AFF1: variants seen among roughly 807,000 people sequenced by gnomAD.
AFF1 encodes AF4/FMR2 family member 1.
A neutral mutation model predicts 121.7 loss-of-function variants in AFF1; 48 were observed. The ratio of observed to expected loss-of-function variants is 0.39; its 90% confidence interval spans 0.31 to 0.50. The LOEUF is 0.50. Among genes scored for constraint, AFF1 ranks in the 20% least tolerant of loss-of-function variants. The probability of loss-of-function intolerance (pLI) is 0.76; values close to 1 mark genes in which losing one functional copy is unlikely to be tolerated. For synonymous variants in AFF1, 613 were observed against 563.0 expected, an observed-to-expected ratio of 1.09 and a Z score of -1.26; for missense variants, 1,523 against 1,511.7, an observed-to-expected ratio of 1.01 and a Z score of -0.12.
intron 2 of AFF1, among the ~76,000 whole-genome samples, chr4:86,979,857 A>T (rs2149489313): frequency 6.6e-6 from 1 of 152,354 alleles, no homozygotes; most frequent in East Asian, 1.9e-4. Flanking sequence ...TAGCAAAATA[A>T]CATTTGCATT....
At chr4:87,096,956 C>G (rs1297136364) in intron 8 of AFF1, among the ~76,000 whole-genome samples, 1 of 152,106 alleles carries the variant, frequency 6.6e-6, no homozygotes, top group Non-Finnish European at 1.5e-5. Flanking sequence ...ACTGTAGACT[C>G]ACTGACATGG....
intron 12 of AFF1, among the ~76,000 whole-genome samples, 185 bp downstream of exon 12, chr4:87,115,484 A>G (rs764015716): frequency 1.3e-4 from 19 of 151,974 alleles, no homozygotes; most frequent in Non-Finnish European, 2.6e-4. Context: ...CATTCTGCAG[A>G]TGGGCATTAA....
chr4:86,985,091 A>G (rs922691153), intron 2 of AFF1, among the ~76,000 whole-genome samples: 7 of 147,136 alleles, frequency 4.8e-5, no homozygotes, highest in Middle Eastern at 3.5e-3. Flanking sequence ...AAGGGAAACT[A>G]ACATGTTTTA....
chr4:87,083,241 T>G (rs1723350759), intron 4 of AFF1, among the ~76,000 whole-genome samples: 1 of 152,190 alleles, frequency 6.6e-6, no homozygotes, highest in Non-Finnish European at 1.5e-5. Flanking sequence ...GCAATAATCA[T>G]TATTTGTTTA....
intron 5 of AFF1, 60 bp downstream of exon 5, chr4:87,084,224 C>T: frequency 1.3e-6 from 2 of 1,538,360 alleles, no homozygotes; most frequent in Non-Finnish European, 1.8e-6. Flanking sequence ...GGCGTACATC[C>T]ATTTACTTTC....
rs929359226 is a variant in AFF1, at chr4:87,042,450, G to C, written c.39-3716G>C. Among the ~76,000 whole-genome samples the C allele has an allele frequency of 3.9e-5, 6 of 152,212 alleles. No individual in the cohort carries two copies. The South Asian group carries it at 1.2e-3, about 32-fold the overall frequency. The stretch of plus-strand genomic sequence containing the variant: ...CGGTCTTCCTCTGCCCTGCCCAGGA[G>C]CTTTTGTGAGTTCCACCCAAGAGGG... On this transcript the variant is annotated intron_variant, in intron 2 of 20. Coordinates refer to ENST00000395146, the MANE Select transcript of AFF1 (RefSeq NM_001166693.3).
chr4:86,993,779 A>G (rs1724906472), intron 2 of AFF1, among the ~76,000 whole-genome samples: 1 of 152,102 alleles, frequency 6.6e-6, no homozygotes, highest in South Asian at 2.1e-4. Context: ...CCTGGCCAAC[A>G]TAGTGAAACC....
chr4:87,130,972 T>C, intron 16 of AFF1, 111 bp from the exon 17 acceptor site: 1 of 1,387,840 alleles, frequency 7.2e-7, no homozygotes, highest in Non-Finnish European at 9.9e-7. Flanking sequence ...CACTTCTCCC[T>C]GGCCATAATT....
At position 87,139,575 on chromosome 4, in the gene AFF1, A is replaced by G. The variant is rs575376086; in HGVS notation, c.*3874A>G. 3.5e-5 allele frequency: 8 copies of G among 230,562 alleles called. No individual in the cohort carries two copies. The South Asian group carries it at 1.5e-3, about 42-fold the overall frequency. 14.3% of individuals were successfully genotyped at this position (230,562 alleles called of 1,614,324 possible). A position where few individuals can be genotyped will look rare whatever the true frequency, so the allele number is the denominator to read the frequency against. On this transcript the variant is annotated 3_prime_UTR_variant, in exon 21 of 21. Coordinates refer to ENST00000395146, the MANE Select transcript of AFF1 (RefSeq NM_001166693.3). ...TCTCACTGAAAAGTGAGAGTTACGC[A>G]TTGCAGCCATGAAGGGATGCTAGGA... is the stretch of plus-strand genomic sequence containing the variant.
At chr4:87,012,607 AATTC>A (rs991626292) in intron 2 of AFF1, among the ~76,000 whole-genome samples, 2 of 152,234 alleles carry the variant, frequency 1.3e-5, no homozygotes, top group African/African-American at 4.8e-5. Flanking sequence ...GATGGTCCTC[AATTC>A]ATTTTATTAT....
intron 4 of AFF1, among the ~76,000 whole-genome samples, chr4:87,050,092 G>A (rs1731124254): frequency 6.6e-6 from 1 of 152,176 alleles, no homozygotes; most frequent in South Asian, 2.1e-4. Context: ...CAAGGAAAGT[G>A]TAGAGATGTA....
At chr4:87,115,330 C>A (rs372801163) in intron 12 of AFF1, 31 bp downstream of exon 12, 4 of 1,518,296 alleles carry the variant, frequency 2.6e-6, no homozygotes, top group Non-Finnish European at 3.5e-6. Context: ...CTGACTCCAG[C>A]GTGGACCATC....
rs143710058 is a variant in AFF1 at position 86,993,421 on chromosome 4, TCTTAAATCCTTC to T, written c.38+44852_38+44863del. Among the ~76,000 whole-genome samples the T allele has an allele frequency of 4.7e-3, 718 of 152,308 alleles. 3 individuals carry two copies. The highest frequency in any genetic ancestry group is 0.016 in the African/African-American group (678 of 41,578). On this transcript the variant is annotated intron_variant, in intron 2 of 20. Transcript: ENST00000395146. ...TGAGGAATATCTCCTATCTTCCAGT[TCTTAAATCCTTC>T]CCCTTTCCTGATATGTGTTCAGGAA...
intron 4 of AFF1, 93 bp downstream of exon 4, chr4:87,047,687 G>T: frequency 6.5e-7 from 1 of 1,537,354 alleles, no homozygotes; most frequent in South Asian, 1.1e-5. Flanking sequence ...GGGGAGGTTA[G>T]TCCATGGCTT....
At chr4:87,007,173 C>G in intron 2 of AFF1, 1 of 1,357,752 alleles carries the variant, frequency 7.4e-7, no homozygotes, top group Non-Finnish European at 9.4e-7. Context: ...CAGATCGCCG[C>G]AGAGGCCCCA....
At chr4:87,043,902 T>C (rs557981408) in intron 2 of AFF1, among the ~76,000 whole-genome samples, 2 of 152,262 alleles carry the variant, frequency 1.3e-5, no homozygotes, top group African/African-American at 4.8e-5. Flanking sequence ...CACTGCAGCC[T>C]CCGCCTCCTG....
At chr4:87,101,223 C>T (rs1725398672) in intron 8 of AFF1, among the ~76,000 whole-genome samples, 1 of 152,172 alleles carries the variant, frequency 6.6e-6, no homozygotes, top group Non-Finnish European at 1.5e-5. Context: ...TCTTAGAATG[C>T]ACGGGCAGTC....
chr4:87,050,904 G>GA (rs1258785033), intron 4 of AFF1, among the ~76,000 whole-genome samples: 1 of 152,220 alleles, frequency 6.6e-6, no homozygotes, highest in Non-Finnish European at 1.5e-5. Context: ...GTGAAAGAGA[G>GA]AGAAGCCGTG....
At chr4:87,053,751 G>T (rs1468622345) in intron 4 of AFF1, among the ~76,000 whole-genome samples, 2 of 152,214 alleles carry the variant, frequency 1.3e-5, no homozygotes, top group African/African-American at 2.4e-5. Flanking sequence ...AGTCCTCTTG[G>T]ATCTTAACTG....
Sources: gnomAD v4.1 joint callset for allele counts (sites outside exome capture counted in the v4.1 genomes callset) on GRCh38, gnomAD v4.1.1 for gene constraint, MANE v1.5 for transcripts, NCBI Gene and HGNC (gene_info 2026-07-23, HGNC 2026-07-21) for gene names.